Variants in LCOR observed in about 807,000 individuals in gnomAD.
LCOR encodes the protein ligand dependent nuclear receptor corepressor.
In LCOR, 14 loss-of-function variants were observed where a neutral mutation model predicts 64.4. That is an observed-to-expected ratio of 0.22 (90% CI 0.14 to 0.34). The LOEUF is 0.34. LCOR is among the 10% of genes least tolerant of loss of function. The pLI, the probability that LCOR is intolerant of heterozygous loss-of-function variation, is 1.00. For synonymous variants in LCOR, 643 were observed against 642.5 expected, an observed-to-expected ratio of 1.00 and a Z score of -0.01; for missense variants, 1,686 against 1,765.3, an observed-to-expected ratio of 0.96 and a Z score of 0.80.
chr10:96,833,804 C>T (rs566471797), intron 2 of LCOR, among the ~76,000 whole-genome samples: 1 of 152,322 alleles, frequency 6.6e-6, no homozygotes, highest in Non-Finnish European at 1.5e-5. Context: ...TTATGCAAAT[C>T]CTGCTTTCTG....
chr10:96,833,707 G>T (rs964749894), intron 2 of LCOR, among the ~76,000 whole-genome samples: 4 of 152,264 alleles, frequency 2.6e-5, no homozygotes, highest in African/African-American at 4.8e-5. Context: ...TTGGGAACCA[G>T]GTCTTTCCCG....
At chr10:96,940,331 T>A (rs1589669856) in intron 4 of LCOR, among the ~76,000 whole-genome samples, 2 of 132,138 alleles carry the variant, frequency 1.5e-5, no homozygotes, top group African/African-American at 6.1e-5. Context: ...TTTTTTTTTT[T>A]TTTATTGATC....
At chr10:96,878,843 AGTG>A (rs1266153609) in intron 2 of LCOR, among the ~76,000 whole-genome samples, 27 of 152,088 alleles carry the variant, frequency 1.8e-4, no homozygotes, top group Admixed American at 1.6e-3. Flanking sequence ...TGCAAGCTGT[AGTG>A]CAGCGATGCA....
intron 7 of LCOR, chr10:96,955,207 C>G: frequency 6.2e-7 from 1 of 1,614,146 alleles, no homozygotes. Context: ...GCCTCTTGGG[C>G]AAAACCACAT....
At chr10:96,843,818 G>A (rs1363674552) in intron 2 of LCOR, among the ~76,000 whole-genome samples, 1 of 152,070 alleles carries the variant, frequency 6.6e-6, no homozygotes, top group East Asian at 1.9e-4. Flanking sequence ...CCATCAAGTG[G>A]TTCATAAGTT....
chr10:96,936,995 A>G (rs1847362383), intron 4 of LCOR, among the ~76,000 whole-genome samples: 1 of 152,256 alleles, frequency 6.6e-6, no homozygotes, highest in Non-Finnish European at 1.5e-5. Context: ...TTATTGTACT[A>G]TACCATGGGT....
intron 4 of LCOR, among the ~76,000 whole-genome samples, chr10:96,913,325 A>G (rs1846878544): frequency 6.6e-6 from 1 of 152,162 alleles, no homozygotes. Flanking sequence ...TTGATTACAG[A>G]TATGTTGATA....
At chr10:96,847,450 A>AT (rs1235692427) in intron 2 of LCOR, among the ~76,000 whole-genome samples, 4 of 149,300 alleles carry the variant, frequency 2.7e-5, no homozygotes, top group African/African-American at 7.4e-5. Context: ...TTATTTATTT[A>AT]TTTTTTGAGA....
At chr10:96,905,828 A>G (rs944869691) in intron 2 of LCOR, among the ~76,000 whole-genome samples, 4 of 152,178 alleles carry the variant, frequency 2.6e-5, no homozygotes, top group Non-Finnish European at 2.9e-5. Context: ...GGAATCTAGG[A>G]TATATCATAT....
Position 96,949,025 on chromosome 10 carries a change from G to C in LCOR, c.-33G>C, listed in dbSNP as rs372594955. On this transcript the variant is annotated 5_prime_UTR_variant, in exon 6 of 8. Coordinates refer to ENST00000421806, the MANE Select transcript of LCOR (RefSeq NM_001346516.2). ...ATTTACAGACAGTCCCTGGGTCTCC[G>C]ACCCCAATATTCCCCTAGTGGCCCG... 4 of 1,611,452 alleles carry C rather than the reference G, an allele frequency of 2.5e-6. No homozygotes were observed. Among genetic ancestry groups the C allele is most frequent in the Non-Finnish European group, 1.7e-6 (2 of 1,178,624 alleles).
intron 2 of LCOR, among the ~76,000 whole-genome samples, chr10:96,897,101 C>CA (rs370380714): frequency 0.019 from 1,511 of 78,686 alleles, 24 homozygotes; most frequent in South Asian, 0.065. Flanking sequence ...GAAAGAAAAG[C>CA]AAAAAAAAAA....
intron 2 of LCOR, among the ~76,000 whole-genome samples, chr10:96,868,671 T>C (rs1846019206): frequency 6.6e-6 from 1 of 152,198 alleles, no homozygotes; most frequent in African/African-American, 2.4e-5. Context: ...AGTCTAACCT[T>C]TCGTATCAGA....
chr10:96,880,879 G>A (rs1846251055), intron 2 of LCOR, among the ~76,000 whole-genome samples: 1 of 152,222 alleles, frequency 6.6e-6, no homozygotes, highest in African/African-American at 2.4e-5. Context: ...GAACGTAGGT[G>A]AACCACTGAA....
At chr10:96,957,275 C>G (rs576372482) in intron 7 of LCOR, 3 of 984,846 alleles carry the variant, frequency 3.0e-6, no homozygotes, top group Non-Finnish European at 3.6e-6. Flanking sequence ...AGCTGATATT[C>G]ATGGTTGTTT....
At chr10:96,835,153 C>T (rs1845421042) in intron 2 of LCOR, among the ~76,000 whole-genome samples, 1 of 152,226 alleles carries the variant, frequency 6.6e-6, no homozygotes, top group Admixed American at 6.5e-5. Flanking sequence ...CCCGCCTCGG[C>T]TTCCCAAAGT....
intron 2 of LCOR, among the ~76,000 whole-genome samples, chr10:96,852,474 C>T (rs1845736514): frequency 6.6e-6 from 1 of 152,128 alleles, no homozygotes; most frequent in Admixed American, 6.6e-5. Flanking sequence ...GTATAAGGCA[C>T]ATATGAAACG....
chr10:96,913,810 G>T (rs959219267), intron 4 of LCOR, among the ~76,000 whole-genome samples: 1 of 151,960 alleles, frequency 6.6e-6, no homozygotes, highest in African/African-American at 2.4e-5. Flanking sequence ...TGTAATTCCA[G>T]CTACTTGAGA....
At chr10:96,947,637 G>C (rs1458380966) in intron 5 of LCOR, among the ~76,000 whole-genome samples, 1 of 152,030 alleles carries the variant, frequency 6.6e-6, no homozygotes, top group Non-Finnish European at 1.5e-5. Context: ...AAGGTCACAG[G>C]TAAAACAGTA....
At chr10:96,909,107 A>G (rs139118196) in intron 4 of LCOR, among the ~76,000 whole-genome samples, 3 of 151,998 alleles carry the variant, frequency 2.0e-5, no homozygotes, top group Non-Finnish European at 4.4e-5. Context: ...CATTTCCACA[A>G]TCATTACTAT....
Sources: allele counts gnomAD v4.1 joint callset (sites outside exome capture counted in the v4.1 genomes callset), GRCh38; gene constraint gnomAD v4.1.1; transcripts MANE v1.5; gene names NCBI Gene and HGNC (gene_info 2026-07-23, HGNC 2026-07-21).